AK8: variants seen among roughly 807,000 people sequenced by gnomAD.
AK8 encodes ATP-AMP transphosphorylase 8.
In AK8, 44 loss-of-function variants were observed where a neutral mutation model predicts 54.6. The observed-to-expected ratio is 0.81, with a 90% CI of 0.63 to 1.04. The LOEUF is 1.04. Among genes scored for constraint, AK8 ranks in the 50% least tolerant of loss-of-function variants. AK8 has a pLI of 0.00. For synonymous variants in AK8, 239 were observed against 245.6 expected (o/e 0.97, Z 0.25); for missense variants, 555 against 613.6 (o/e 0.90, Z 1.01).
At chr9:132,771,689 G>A (rs182515751) in intron 11 of AK8, among the ~76,000 whole-genome samples, 10 of 152,290 alleles carry the variant, frequency 6.6e-5, no homozygotes, top group East Asian at 1.9e-4. Flanking sequence ...TTGTTATGGC[G>A]GTGTGGCTCC....
intron 11 of AK8, among the ~76,000 whole-genome samples, chr9:132,748,491 G>T (rs1163453653): frequency 1.3e-5 from 2 of 151,896 alleles, no homozygotes. Flanking sequence ...GAATAGCTCA[G>T]TGCAAATCAA....
intron 10 of AK8, among the ~76,000 whole-genome samples, chr9:132,796,658 A>C (rs913964318): frequency 6.6e-6 from 1 of 152,184 alleles, no homozygotes; most frequent in African/African-American, 2.4e-5. Flanking sequence ...GTCGAGGCAG[A>C]AGTCTATGAC....
intron 11 of AK8, among the ~76,000 whole-genome samples, chr9:132,787,534 A>G (rs148525536): frequency 0.013 from 1,945 of 152,238 alleles, 40 homozygotes; most frequent in African/African-American, 0.044. Flanking sequence ...GATAGAATAG[A>G]CACTTTCAGA....
At chr9:132,767,949 T>C (rs1232772782) in intron 11 of AK8, among the ~76,000 whole-genome samples, 1 of 152,120 alleles carries the variant, frequency 6.6e-6, no homozygotes, top group East Asian at 1.9e-4. Context: ...TACCAGAGGC[T>C]GGGAGGGGCC....
chr9:132,849,273 G>A (rs753393224), intron 5 of AK8, among the ~76,000 whole-genome samples: 1 of 152,170 alleles, frequency 6.6e-6, no homozygotes, highest in Non-Finnish European at 1.5e-5. Context: ...CAATGTGAAA[G>A]TGTTACTTAG....
At chr9:132,727,887 C>T (rs1836649895) in intron 11 of AK8, among the ~76,000 whole-genome samples, 1 of 152,188 alleles carries the variant, frequency 6.6e-6, no homozygotes, top group African/African-American at 2.4e-5. Flanking sequence ...GACTTGTCTG[C>T]ATTCTGGGAC....
chr9:132,795,059 CAA>C (rs1457388832), intron 10 of AK8, among the ~76,000 whole-genome samples: 1 of 152,202 alleles, frequency 6.6e-6, no homozygotes, highest in Admixed American at 6.5e-5. Context: ...GGCGTGCCAG[CAA>C]AGACTGTTGG....
At chr9:132,800,938 T>G (rs1347691701) in intron 10 of AK8, among the ~76,000 whole-genome samples, 1 of 151,178 alleles carries the variant, frequency 6.6e-6, no homozygotes, top group Admixed American at 6.6e-5. Context: ...TTTTTTTTTT[T>G]TGAGACGGAG....
At chr9:132,797,578 G>C (rs1048381287) in intron 10 of AK8, among the ~76,000 whole-genome samples, 6 of 148,758 alleles carry the variant, frequency 4.0e-5, no homozygotes, top group African/African-American at 1.5e-4. Flanking sequence ...TGGGGTAGGG[G>C]AGGGTGGTTC....
In AK8 at chr9:132,799,003, A is replaced by C. The variant is rs534068468; in HGVS notation, c.980-6228T>G. ...GGAGTCCCGACACCCATGAGATGCA[A>C]CTGGGCAGCACTGACTCCTCCCGGG... On this transcript the variant is annotated intron_variant, in intron 10 of 12. Transcript: ENST00000298545. This position sits in a 1 kb window ranked among gnomAD's most constrained non-coding sequence, Gnocchi z 5.0. 3.9e-5 allele frequency among the ~76,000 whole-genome samples: 6 copies of C among 152,262 alleles called. No homozygotes were observed. In the South Asian group the frequency reaches 1.2e-3, roughly 32 times the overall value.
chr9:132,828,060 A>C lies in AK8; in HGVS notation c.509T>G (p.Val170Gly). 6.4e-7 allele frequency: 1 copy of C among 1,573,916 alleles called. No individual in the cohort carries two copies. The highest frequency in any genetic ancestry group is 1.2e-5 in the South Asian group (1 of 85,674). ...HVIVLSAPDTVLIERNLGKRI... is the reference protein window; with the variant it reads ...HVIVLSAPDTGLIERNLGKRI... ...CTTCCCCAAGTTTCTCTCGATCAGG[A>C]CCGTGTCTGGAGCACTCAGCACAAC... The change falls in exon 7 of 13, where the codon GTC (valine) becomes GGC (glycine). Residue 170 changes from valine to glycine, a missense_variant. Transcript: ENST00000298545.
intron 9 of AK8, among the ~76,000 whole-genome samples, chr9:132,820,645 C>T (rs1841547748): frequency 6.6e-6 from 1 of 152,228 alleles, no homozygotes; most frequent in South Asian, 2.1e-4. Context: ...GTGGCTTTCG[C>T]CTTTCAGAAA....
chr9:132,793,978 C>T (rs1840048236), intron 10 of AK8, among the ~76,000 whole-genome samples: 1 of 152,144 alleles, frequency 6.6e-6, no homozygotes, highest in East Asian at 1.9e-4. Flanking sequence ...CACAGGGCCC[C>T]CCAGGCTGAC....
chr9:132,814,558 G>A, intron 10 of AK8, 80 bp downstream of exon 10: 2 of 1,384,784 alleles, frequency 1.4e-6, no homozygotes, highest in Non-Finnish European at 2.0e-6. Flanking sequence ...TTGAGCCCCT[G>A]AATGTTCAGA....
rs140406073 is a variant in AK8, at chr9:132,814,818, GA to G, written c.890-92del. The G allele has an allele frequency of 7.4e-3, 6,973 of 938,954 alleles. 1 individual carries two copies. Among genetic ancestry groups the G allele is most frequent in the South Asian group, 0.013 (680 of 52,364 alleles). The allele number at this position is 938,954 out of a possible 1,614,324, so 58.2% of individuals were successfully genotyped here. A position where few individuals can be genotyped will look rare whatever the true frequency, so the allele number is the denominator to read the frequency against. On this transcript the variant is annotated intron_variant, in intron 9 of 12. Coordinates refer to ENST00000298545, the MANE Select transcript of AK8 (RefSeq NM_152572.3). The stretch of plus-strand genomic sequence containing the variant: ...GAACCCCCAGTGCTGCCTGCTGAGG[GA>G]AAAAAAAAAGGTCACTGAAAAAAGC...
intron 11 of AK8, among the ~76,000 whole-genome samples, chr9:132,763,237 T>C (rs921578820): frequency 6.6e-6 from 1 of 152,160 alleles, no homozygotes; most frequent in African/African-American, 2.4e-5. Context: ...TTTAAAGAAT[T>C]GATATCATAT....
intron 10 of AK8, among the ~76,000 whole-genome samples, chr9:132,809,347 C>T (rs1411687323): frequency 1.3e-5 from 2 of 152,216 alleles, no homozygotes; most frequent in African/African-American, 2.4e-5. Flanking sequence ...CTTCTGGTTG[C>T]AGGGCAGTGT....
At chr9:132,878,905 C>T (rs1282188325), upstream of AK8, 1 of 467,356 alleles carries the variant, frequency 2.1e-6, no homozygotes, top group Non-Finnish European at 2.8e-6. The surrounding 1 kb of genome is among the most constrained non-coding windows in gnomAD (Gnocchi z 4.7). Flanking sequence ...ACCCTCGCCT[C>T]CCAAGTCCTG....
intron 5 of AK8, among the ~76,000 whole-genome samples, chr9:132,830,109 A>G (rs1017629750): frequency 6.6e-6 from 1 of 152,192 alleles, no homozygotes; most frequent in African/African-American, 2.4e-5. Context: ...TAGCAAAAAC[A>G]TTTCATGAAC....
Sources: allele counts gnomAD v4.1 joint callset (sites outside exome capture counted in the v4.1 genomes callset), GRCh38; gene constraint gnomAD v4.1.1; non-coding constraint Gnocchi (gnomAD v3.1); transcripts MANE v1.5; gene names NCBI Gene and HGNC (gene_info 2026-07-23, HGNC 2026-07-21).